The following HFM1 variants were observed in gnomAD, a reference collection of about 807,000 sequenced individuals.
HFM1 encodes the protein probable ATP-dependent DNA helicase HFM1.
HFM1 carries 169 observed loss-of-function variants against 192.1 expected under a neutral mutation model. That is an observed-to-expected ratio of 0.88 (90% CI 0.78 to 1.00). The LOEUF (loss-of-function observed/expected upper bound fraction) is 1.00. Ranked by LOEUF, HFM1 falls within the 50% of genes least tolerant of loss-of-function variation. The pLI, the probability that HFM1 is intolerant of heterozygous loss-of-function variation, is 0.00. For missense variants in HFM1, 1,661 were observed against 1,668.0 expected, an observed-to-expected ratio of 1.00 and a Z score of 0.07; for synonymous variants, 525 against 537.8, an observed-to-expected ratio of 0.98 and a Z score of 0.33.
intron 1 of HFM1, among the ~76,000 whole-genome samples, chr1:91,404,345 TGG>T: frequency 6.6e-6 from 1 of 152,312 alleles, no homozygotes; most frequent in East Asian, 1.9e-4. Flanking sequence ...AACGGGGCGC[TGG>T]GGCGCGTCAC....
At chr1:91,269,316 T>A (rs1666058719) in intron 34 of HFM1, among the ~76,000 whole-genome samples, 1 of 152,098 alleles carries the variant, frequency 6.6e-6, no homozygotes. Context: ...TAGGAAGTGA[T>A]GAGTTTTGAG....
Position 91,352,643 on chromosome 1 carries a change from T to C in HFM1, c.1840A>G (p.Ser614Gly). 1 of 1,602,744 alleles carries C rather than the reference T, an allele frequency of 6.2e-7. No individual in the cohort carries two copies. Among genetic ancestry groups the C allele is most frequent in the East Asian group, 2.2e-5 (1 of 44,584 alleles). The change falls in exon 16 of 39, where the codon AGT (serine) becomes GGT (glycine). Residue 614 changes from serine to glycine, a missense_variant. By Grantham distance (56) the Ser-to-Gly change is moderately conservative. Transcript: ENST00000370425. ...AAATTTACTCCCATAGCTAAAGTAC[T>C]GGTAGTAACTGCATCAGATTAAGAC... ...VGDLPVLFTT[S>G]TLAMGVNLPA...
At chr1:91,321,984 C>A (rs752767459) in intron 23 of HFM1, among the ~76,000 whole-genome samples, 1 of 152,128 alleles carries the variant, frequency 6.6e-6, no homozygotes, top group Non-Finnish European at 1.5e-5. Flanking sequence ...AGCAACATAA[C>A]CTTGGCGAAG....
intron 25 of HFM1, 57 bp from the exon 26 acceptor site, chr1:91,316,533 T>A: frequency 1.4e-6 from 1 of 700,966 alleles, no homozygotes; most frequent in Non-Finnish European, 2.2e-6. Context: ...ATAAAACATA[T>A]ATTTAAATAT....
chr1:91,329,121 C>G lies in HFM1; in HGVS notation c.2336-4355G>C, dbSNP rs1653402769. 5 of 1,609,766 alleles carry G rather than the reference C, an allele frequency of 3.1e-6. No homozygotes were observed. In the Admixed American group the frequency reaches 5.0e-5, roughly 16 times the overall value. On this transcript the variant is annotated intron_variant, in intron 20 of 38. Coordinates refer to ENST00000370425, the MANE Select transcript of HFM1 (RefSeq NM_001017975.6). Reference sequence around the variant, plus strand: ...TATTGGGCCCAAGCGGGCTGTGGATCTAATCCAGAAGCACAAGAGCATCGA... The same window carrying G: ...TATTGGGCCCAAGCGGGCTGTGGATGTAATCCAGAAGCACAAGAGCATCGA...
chr1:91,400,291 T>C (rs978006796), intron 2 of HFM1, among the ~76,000 whole-genome samples: 1 of 152,178 alleles, frequency 6.6e-6, no homozygotes, highest in African/African-American at 2.4e-5. Flanking sequence ...TTCCCGCCCC[T>C]ACTTCCTGCC....
intron 18 of HFM1, among the ~76,000 whole-genome samples, chr1:91,350,210 CA>C (rs1656743096): frequency 6.6e-6 from 1 of 152,054 alleles, no homozygotes; most frequent in African/African-American, 2.4e-5. Context: ...TTCAACAAGT[CA>C]GGCTTTAATT....
intron 13 of HFM1, among the ~76,000 whole-genome samples, chr1:91,354,673 G>C (rs1657473340): frequency 6.6e-6 from 1 of 152,068 alleles, no homozygotes; most frequent in African/African-American, 2.4e-5. Flanking sequence ...CAGGCCAGGA[G>C]AGCATGAGAT....
chr1:91,341,405 TAGC>T lies in HFM1; in HGVS notation c.2335+2022_2335+2024del, dbSNP rs537546150. On this transcript the variant is annotated intron_variant, in intron 20 of 38. Transcript: ENST00000370425. Reference sequence around the variant, plus strand: ...AACTGATGAAAACAAAGGCAGAACATAGCAGAATCTCTGATATACAGGTAAAAC... The same window carrying T: ...AACTGATGAAAACAAAGGCAGAACATAGAATCTCTGATATACAGGTAAAAC... 1.9e-3 allele frequency among the ~76,000 whole-genome samples: 283 copies of T among 152,268 alleles called. 1 individual carries two copies. Among genetic ancestry groups the T allele is most frequent in the African/African-American group, 6.7e-3 (279 of 41,542 alleles).
At chr1:91,359,205 C>T (rs1658144712) in intron 13 of HFM1, among the ~76,000 whole-genome samples, 1 of 152,170 alleles carries the variant, frequency 6.6e-6, no homozygotes, top group Admixed American at 6.5e-5. Context: ...TGTCTCTTCT[C>T]CTAATGACTG....
intron 20 of HFM1, among the ~76,000 whole-genome samples, chr1:91,338,802 C>A (rs111284007): frequency 6.6e-5 from 10 of 152,282 alleles, no homozygotes; most frequent in Non-Finnish European, 1.0e-4. Flanking sequence ...TGTGCCACCA[C>A]CACTGGTGCA....
intron 20 of HFM1, among the ~76,000 whole-genome samples, chr1:91,329,979 T>C (rs764770685): frequency 2.6e-5 from 4 of 152,164 alleles, no homozygotes; most frequent in Admixed American, 6.5e-5. Context: ...GGAAGGCGCA[T>C]CTTAGCAGAT....
chr1:91,261,167 C>G lies in HFM1; in HGVS notation c.*123G>C. On this transcript the variant is annotated 3_prime_UTR_variant, in exon 39 of 39. Transcript: ENST00000370425. Reference sequence around the variant, plus strand: ...ATTTTGTTGCAAAAAGTGAACAAAGCTAATCAAATACAGGAGAAAAAAATC... The same window carrying G: ...ATTTTGTTGCAAAAAGTGAACAAAGGTAATCAAATACAGGAGAAAAAAATC... 1 of 423,350 alleles carries G rather than the reference C, an allele frequency of 2.4e-6. No homozygotes were observed. The highest frequency in any genetic ancestry group is 4.3e-6 in the Non-Finnish European group (1 of 234,576). 26.2% of individuals were successfully genotyped at this position (423,350 alleles called of 1,614,324 possible). A position where few individuals can be genotyped will look rare whatever the true frequency, so the allele number is the denominator to read the frequency against.
intron 30 of HFM1, among the ~76,000 whole-genome samples, chr1:91,291,890 G>A (rs928516330): frequency 6.6e-6 from 1 of 152,096 alleles, no homozygotes; most frequent in African/African-American, 2.4e-5. Flanking sequence ...ATGCAAGGCT[G>A]GTTCAATATA....
At chr1:91,347,195 C>A (rs971223247) in intron 19 of HFM1, among the ~76,000 whole-genome samples, 1 of 151,914 alleles carries the variant, frequency 6.6e-6, no homozygotes, top group African/African-American at 2.4e-5. Flanking sequence ...CCAAATAAAC[C>A]AAGTTAACAT....
intron 17 of HFM1, 50 bp from the exon 18 acceptor site, chr1:91,350,921 T>A (rs1281307741): frequency 4.1e-6 from 6 of 1,454,226 alleles, no homozygotes; most frequent in East Asian, 4.7e-5. Flanking sequence ...ATGCCATAAC[T>A]CTTACTTTTT....
In HFM1 at chr1:91,319,392, TG is replaced by T; in HGVS notation, c.2583-3del. ...CATCCTAGTTGAGCCTGAATAAGACTGGGGGAAAGAAAAAAAATTGTTACTC... is the reference window on the plus strand; with the variant it reads ...CATCCTAGTTGAGCCTGAATAAGACTGGGGAAAGAAAAAAAATTGTTACTC... On this transcript the variant is annotated splice_region_variant and splice_polypyrimidine_tract_variant and intron_variant, in intron 23 of 38. Coordinates refer to ENST00000370425, the MANE Select transcript of HFM1 (RefSeq NM_001017975.6). 6.3e-7 allele frequency: 1 copy of T among 1,598,478 alleles called. No individual in the cohort carries two copies. The highest frequency in any genetic ancestry group is 1.7e-5 in the Admixed American group (1 of 59,860).
intron 13 of HFM1, among the ~76,000 whole-genome samples, chr1:91,359,699 C>T (rs1658254767): frequency 6.6e-6 from 1 of 152,160 alleles, no homozygotes; most frequent in Non-Finnish European, 1.5e-5. Context: ...AAACATACTT[C>T]AAGAGAACTT....
At chr1:91,311,102 C>T (rs1400224299) in intron 30 of HFM1, among the ~76,000 whole-genome samples, 2 of 152,048 alleles carry the variant, frequency 1.3e-5, no homozygotes, top group African/African-American at 2.4e-5. Context: ...GCAATATGGA[C>T]AATAAGGTCC....
Sources: allele counts gnomAD v4.1 joint callset (sites outside exome capture counted in the v4.1 genomes callset), GRCh38; gene constraint gnomAD v4.1.1; transcripts MANE v1.5; gene names NCBI Gene and HGNC (gene_info 2026-07-23, HGNC 2026-07-21).